RAB38: variants seen among roughly 807,000 people sequenced by gnomAD.
The protein encoded by RAB38 is RAB38, member RAS oncogene family, also known as ras-related protein Rab-38.
A neutral mutation model predicts 18.4 loss-of-function variants in RAB38; 15 were observed. That is an observed-to-expected ratio of 0.82 (90% confidence interval 0.55 to 1.26). The LOEUF (loss-of-function observed/expected upper bound fraction) is 1.26, where lower values mean the gene tolerates loss of function less well. Ranked by LOEUF, RAB38 falls within the 50% of genes most tolerant of loss-of-function variation. The pLI is 0.00. For synonymous variants in RAB38, 101 were observed against 104.4 expected, an observed-to-expected ratio of 0.97 and a Z score of 0.20; for missense variants, 294 against 267.4, an observed-to-expected ratio of 1.10 and a Z score of -0.69.
chr11:88,076,707 T>G, the RAB38 span, among the ~76,000 whole-genome samples: 1 of 151,282 alleles, frequency 6.6e-6, no homozygotes, highest in Admixed American at 6.6e-5. Context: ...AATCCCAGCA[T>G]TTTGGGAGGC....
the RAB38 span, among the ~76,000 whole-genome samples, chr11:88,037,002 C>T: frequency 6.6e-6 from 1 of 151,902 alleles, no homozygotes; most frequent in East Asian, 1.9e-4. Context: ...ACATTTATTT[C>T]AAACTTTTTC....
At chr11:87,803,786 A>G in the RAB38 span, among the ~76,000 whole-genome samples, 2 of 152,222 alleles carry the variant, frequency 1.3e-5, no homozygotes, top group African/African-American at 4.8e-5. Context: ...CATAGGATAG[A>G]CACTGACATC....
chr11:88,046,816 G>T, the RAB38 span, among the ~76,000 whole-genome samples: 1 of 152,036 alleles, frequency 6.6e-6, no homozygotes, highest in Non-Finnish European at 1.5e-5. Flanking sequence ...TGACCCCATA[G>T]ATCCTAAATC....
the RAB38 span, among the ~76,000 whole-genome samples, chr11:87,972,721 T>A: frequency 6.6e-6 from 1 of 152,084 alleles, no homozygotes; most frequent in South Asian, 2.1e-4. Flanking sequence ...CCTATATATT[T>A]GAGGTAACCT....
chr11:87,808,961 A>C, the RAB38 span, among the ~76,000 whole-genome samples: 1 of 152,176 alleles, frequency 6.6e-6, no homozygotes, highest in South Asian at 2.1e-4. Context: ...AAATATTAGA[A>C]ATAGAGCACA....
the RAB38 span, among the ~76,000 whole-genome samples, chr11:88,030,429 T>A: frequency 0.7 from 106,088 of 151,956 alleles, 37,257 homozygotes; most frequent in East Asian, 0.76. Flanking sequence ...AAAAAATTAT[T>A]GAATCCAGAA....
the RAB38 span, among the ~76,000 whole-genome samples, chr11:88,094,275 T>C: frequency 6.6e-6 from 1 of 151,926 alleles, no homozygotes; most frequent in Non-Finnish European, 1.5e-5. Context: ...TATTCAAAAA[T>C]TCCATTACAT....
At chr11:87,899,423 G>C in the RAB38 span, among the ~76,000 whole-genome samples, 1 of 151,612 alleles carries the variant, frequency 6.6e-6, no homozygotes, top group Non-Finnish European at 1.5e-5. Flanking sequence ...CTTTATAATG[G>C]CTATTTGAAT....
the RAB38 span, among the ~76,000 whole-genome samples, chr11:88,067,704 C>CA: frequency 2.6e-5 from 4 of 151,366 alleles, no homozygotes; most frequent in African/African-American, 7.3e-5. Context: ...CACTGTCTAT[C>CA]AAAAAAAATG....
the RAB38 span, among the ~76,000 whole-genome samples, chr11:87,937,870 G>GT: frequency 0.071 from 6,469 of 91,558 alleles, 206 homozygotes; most frequent in Non-Finnish European, 0.11. Flanking sequence ...TCATTGAAGT[G>GT]TTTTTTTTTT....
At chr11:87,923,332 C>A in the RAB38 span, among the ~76,000 whole-genome samples, 36 of 151,688 alleles carry the variant, frequency 2.4e-4, no homozygotes, top group Non-Finnish European at 4.3e-4. Flanking sequence ...AGGGATTGCC[C>A]TTTTTTTCCT....
chr11:88,061,196 A>G, the RAB38 span, among the ~76,000 whole-genome samples: 1 of 152,200 alleles, frequency 6.6e-6, no homozygotes, highest in Non-Finnish European at 1.5e-5. Flanking sequence ...TGAGAGAAAT[A>G]ATGTATTCTA....
chr11:87,951,118 T>C, the RAB38 span, among the ~76,000 whole-genome samples: 2 of 152,152 alleles, frequency 1.3e-5, no homozygotes, highest in Non-Finnish European at 2.9e-5. Flanking sequence ...CTTCTCTTCT[T>C]GCTTCATTTC....
the RAB38 span, among the ~76,000 whole-genome samples, chr11:88,083,912 T>C: frequency 2.6e-5 from 4 of 151,992 alleles, no homozygotes; most frequent in Non-Finnish European, 5.9e-5. Flanking sequence ...CCAGTTTTGA[T>C]ATTCTGTTAT....
the RAB38 span, among the ~76,000 whole-genome samples, chr11:87,919,063 ATTC>A: frequency 2.0e-5 from 3 of 152,046 alleles, no homozygotes; most frequent in Admixed American, 6.6e-5. Flanking sequence ...GTCTAATGTC[ATTC>A]TTCTGTGTGT....
Position 88,163,697 on chromosome 11 carries a change from T to C in RAB38, c.202+11486A>G, listed in dbSNP as rs576750346. On this transcript the variant is annotated intron_variant, in intron 1 of 2. Coordinates refer to ENST00000243662, the MANE Select transcript of RAB38 (RefSeq NM_022337.3). ...ATTACCTTATAGAACAAAAGATGGA[T>C]GGATTATAGTGACCTACTTTTGAAA... Among the ~76,000 whole-genome samples the C allele has an allele frequency of 1.2e-3, 189 of 152,290 alleles. 1 individual carries two copies. The highest frequency in any genetic ancestry group is 4.4e-3 in the African/African-American group (182 of 41,572).
At chr11:87,971,084 G>A in the RAB38 span, among the ~76,000 whole-genome samples, 9 of 152,046 alleles carry the variant, frequency 5.9e-5, no homozygotes, top group Non-Finnish European at 1.2e-4. Flanking sequence ...AGTCTTCAGC[G>A]TTGCACGGTT....
chr11:87,950,470 C>T, the RAB38 span, among the ~76,000 whole-genome samples: 1 of 152,190 alleles, frequency 6.6e-6, no homozygotes, highest in Non-Finnish European at 1.5e-5. Context: ...AATGCAGTTT[C>T]TTCCTAGCCT....
At chr11:87,830,592 A>T in the RAB38 span, among the ~76,000 whole-genome samples, 2 of 152,078 alleles carry the variant, frequency 1.3e-5, no homozygotes, top group African/African-American at 4.8e-5. Flanking sequence ...ATTTCCCACA[A>T]CAACCCAATG....
Sources: gnomAD v4.1 joint callset for allele counts (sites outside exome capture counted in the v4.1 genomes callset) on GRCh38, gnomAD v4.1.1 for gene constraint, MANE v1.5 for transcripts, NCBI Gene and HGNC (gene_info 2026-07-23, HGNC 2026-07-21) for gene names.